The following WASF1 variants were observed in gnomAD, a reference collection of about 807,000 sequenced individuals.
The protein encoded by WASF1 is actin-binding protein WASF1.
In WASF1, 7 loss-of-function variants were observed where a neutral mutation model predicts 50.5. The ratio of observed to expected loss-of-function variants is 0.14; its 90% confidence interval spans 0.08 to 0.26. The LOEUF (loss-of-function observed/expected upper bound fraction) is 0.26, where lower values mean the gene tolerates loss of function less well. Ranked by LOEUF, WASF1 falls within the 10% of genes least tolerant of loss-of-function variation. The pLI is 1.00. For missense variants in WASF1, 470 were observed against 694.7 expected (o/e 0.68, Z 3.64); for synonymous variants, 205 against 244.0 (o/e 0.84, Z 1.49).
intron 3 of WASF1, among the ~76,000 whole-genome samples, chr6:110,138,010 T>C (rs1280515694): frequency 6.6e-6 from 1 of 152,226 alleles, no homozygotes; most frequent in Non-Finnish European, 1.5e-5. Context: ...CTTGTTCCGC[T>C]CACTCAGCCT....
intron 3 of WASF1, among the ~76,000 whole-genome samples, chr6:110,132,232 C>G (rs1049203306): frequency 6.6e-5 from 10 of 151,916 alleles, no homozygotes; most frequent in African/African-American, 2.4e-4. Context: ...TTCCTAATCT[C>G]TAACCTATCT....
At chr6:110,162,163 A>C (rs1390675322) in intron 2 of WASF1, among the ~76,000 whole-genome samples, 1 of 151,488 alleles carries the variant, frequency 6.6e-6, no homozygotes, top group African/African-American at 2.4e-5. Context: ...ATTAATACTT[A>C]AGAATAAAAA....
chr6:110,162,811 A>C (rs1461733751), intron 2 of WASF1, among the ~76,000 whole-genome samples: 1 of 151,710 alleles, frequency 6.6e-6, no homozygotes, highest in Non-Finnish European at 1.5e-5. Flanking sequence ...ATCATACTTA[A>C]TGGCAAGAAA....
chr6:110,105,616 A>C lies in WASF1; in HGVS notation c.541-37T>G, dbSNP rs757768011. On this transcript the variant is annotated intron_variant, in intron 7 of 10. Transcript: ENST00000392589. ...GTATTGAAACAAAGTCAAATGCTTA[A>C]GCGCTAATTTTTAAAAAGGAGGTTA... 6 of 1,593,204 alleles carry C rather than the reference A, an allele frequency of 3.8e-6. No individual in the cohort carries two copies. The African/African-American group carries it at 4.0e-5, about 11-fold the overall frequency.
chr6:110,120,882 A>G (rs1235571039), intron 4 of WASF1, among the ~76,000 whole-genome samples: 1 of 152,136 alleles, frequency 6.6e-6, no homozygotes, highest in Non-Finnish European at 1.5e-5. Flanking sequence ...AAATAACACC[A>G]CACATCTACA....
At position 110,148,504 on chromosome 6, in the gene WASF1, G is replaced by A. The variant is rs146490703; in HGVS notation, c.-29+12131C>T. On this transcript the variant is annotated intron_variant, in intron 3 of 10. Transcript: ENST00000392589. The stretch of plus-strand genomic sequence containing the variant: ...AAGCTGGGGAAACTGAAGCTTGTGC[G>A]TGTGTTTTCATTCTTAGAATGAAAG... Among the ~76,000 whole-genome samples, 1,120 of 152,234 alleles carry A rather than the reference G, an allele frequency of 7.4e-3. 7 individuals are homozygous for A. The highest frequency in any genetic ancestry group is 0.012 in the Non-Finnish European group (818 of 68,020).
intron 4 of WASF1, among the ~76,000 whole-genome samples, chr6:110,116,304 T>A (rs1022199739): frequency 6.6e-6 from 1 of 152,210 alleles, no homozygotes; most frequent in Non-Finnish European, 1.5e-5. Context: ...AGACTCTACC[T>A]GGAGAAACAG....
chr6:110,172,356 TC>T (rs1776757263), intron 2 of WASF1, among the ~76,000 whole-genome samples: 1 of 151,654 alleles, frequency 6.6e-6, no homozygotes, highest in African/African-American at 2.4e-5. Context: ...AAGGCAGAAA[TC>T]TATGAAATTG....
chr6:110,109,172 A>G (rs181580407), intron 5 of WASF1, among the ~76,000 whole-genome samples: 3 of 152,018 alleles, frequency 2.0e-5, no homozygotes, highest in East Asian at 4.0e-4. Flanking sequence ...TGTACTCTCA[A>G]GTTAAAACAA....
At chr6:110,146,403 T>G (rs1775562971) in intron 3 of WASF1, among the ~76,000 whole-genome samples, 1 of 151,716 alleles carries the variant, frequency 6.6e-6, no homozygotes, top group South Asian at 2.1e-4. Flanking sequence ...TTGCTCTTCA[T>G]AGAAATAATT....
intron 2 of WASF1, among the ~76,000 whole-genome samples, chr6:110,171,142 C>G (rs1776697200): frequency 6.6e-6 from 1 of 152,072 alleles, no homozygotes; most frequent in African/African-American, 2.4e-5. Context: ...TATTCTCAAG[C>G]TCACATAAGT....
chr6:110,142,955 A>AC (rs1009534866), intron 3 of WASF1, among the ~76,000 whole-genome samples: 1 of 149,400 alleles, frequency 6.7e-6, no homozygotes, highest in African/African-American at 2.4e-5. Flanking sequence ...AATGATGTAA[A>AC]AAAAAAAAAA....
chr6:110,144,313 T>TA (rs1391158860), intron 3 of WASF1, among the ~76,000 whole-genome samples: 1 of 152,220 alleles, frequency 6.6e-6, no homozygotes, highest in Non-Finnish European at 1.5e-5. Context: ...TGGGGTTGTT[T>TA]GTTTTTTTCT....
At chr6:110,179,028 C>G (rs62435905) in intron 1 of WASF1, among the ~76,000 whole-genome samples, 1 of 152,258 alleles carries the variant, frequency 6.6e-6, no homozygotes, top group African/African-American at 2.4e-5. Flanking sequence ...TACCGAGCCT[C>G]GCGCACGTAG....
intron 3 of WASF1, among the ~76,000 whole-genome samples, chr6:110,139,019 C>A (rs1384983738): frequency 6.6e-6 from 1 of 152,246 alleles, no homozygotes; most frequent in Non-Finnish European, 1.5e-5. Context: ...CTGAGCCGAG[C>A]TTCCCTCAGC....
intron 4 of WASF1, 140 bp downstream of exon 4, chr6:110,127,329 C>T: frequency 1.6e-6 from 1 of 645,036 alleles, no homozygotes; most frequent in Non-Finnish European, 2.3e-6. Context: ...TAATTATACT[C>T]ATGTGACTAT....
intron 3 of WASF1, among the ~76,000 whole-genome samples, chr6:110,144,033 A>G (rs893903830): frequency 2.6e-5 from 4 of 152,114 alleles, no homozygotes; most frequent in Admixed American, 6.5e-5. Flanking sequence ...CTGAGGAATC[A>G]CCACACCGAC....
At chr6:110,117,112 A>G (rs532152491) in intron 4 of WASF1, among the ~76,000 whole-genome samples, 4 of 152,286 alleles carry the variant, frequency 2.6e-5, no homozygotes, top group African/African-American at 7.2e-5. Flanking sequence ...TCTCGTCCAA[A>G]GGATTGCAGC....
At chr6:110,162,771 A>G (rs1276490091) in intron 2 of WASF1, among the ~76,000 whole-genome samples, 1 of 151,744 alleles carries the variant, frequency 6.6e-6, no homozygotes, top group Non-Finnish European at 1.5e-5. Flanking sequence ...TCAACTTGAA[A>G]AGAAGATTTA....
Sources: gnomAD v4.1 joint callset for allele counts (sites outside exome capture counted in the v4.1 genomes callset) on GRCh38, gnomAD v4.1.1 for gene constraint, MANE v1.5 for transcripts, NCBI Gene and HGNC (gene_info 2026-07-23, HGNC 2026-07-21) for gene names.